EMG1: variants seen among roughly 807,000 people sequenced by gnomAD.
The protein encoded by EMG1 is ribosomal RNA small subunit methyltransferase NEP1.
In EMG1, 24 loss-of-function variants were observed where a neutral mutation model predicts 26.9. That is an observed-to-expected ratio of 0.89 (90% CI 0.65 to 1.26). The LOEUF (loss-of-function observed/expected upper bound fraction) is 1.26, where lower values mean the gene tolerates loss of function less well. Ranked by LOEUF, EMG1 falls within the 50% of genes most tolerant of loss-of-function variation. The pLI is 0.00. For missense variants in EMG1, 299 were observed against 307.6 expected, an observed-to-expected ratio of 0.97 and a Z score of 0.21; for synonymous variants, 140 against 112.6, an observed-to-expected ratio of 1.24 and a Z score of -1.54.
In EMG1 at chr12:6,976,382, A is replaced by G. The variant is rs1946400799; in HGVS notation, c.*573A>G. The stretch of plus-strand genomic sequence containing the variant: ...GATGGGGAGAGATAAGGCAATGTGC[A>G]TGGGGGAATCAGAGGGGAGATGTGA... On this transcript the variant is annotated 3_prime_UTR_variant, in exon 6 of 6. Coordinates refer to ENST00000599672, the MANE Select transcript of EMG1 (RefSeq NM_006331.8). 1 of 153,830 alleles carries G rather than the reference A, an allele frequency of 6.5e-6. No individual in the cohort carries two copies. Among genetic ancestry groups the G allele is most frequent in the African/African-American group, 2.4e-5 (1 of 41,464 alleles). 9.5% of individuals were successfully genotyped at this position (153,830 alleles called of 1,614,324 possible). A position where few individuals can be genotyped will look rare whatever the true frequency, so the allele number is the denominator to read the frequency against.
Position 6,979,002 on chromosome 12 carries a change from A to G in EMG1, c.*3193A>G, listed in dbSNP as rs1946440075. 1 of 329,220 alleles carries G rather than the reference A, an allele frequency of 3.0e-6. No homozygotes were observed. The highest frequency in any genetic ancestry group is 5.6e-6 in the Non-Finnish European group (1 of 179,584). 20.4% of individuals were successfully genotyped at this position (329,220 alleles called of 1,614,324 possible). A position where few individuals can be genotyped will look rare whatever the true frequency, so the allele number is the denominator to read the frequency against. ...GAATGTTAAGTACAGAGGGGCCCAT[A>G]TTGGATTTTAATTTAAGGAGAGAAA... On this transcript the variant is annotated 3_prime_UTR_variant, in exon 6 of 6. Transcript: ENST00000599672.
exon 8 of EMG1, chr12:6,988,208 G>A (rs1167997383): frequency 1.2e-5 from 2 of 167,810 alleles, no homozygotes; most frequent in African/African-American, 4.7e-5. Context: ...TTCCAAACAG[G>A]TGAGGTATTG....
At position 6,979,724 on chromosome 12, in the gene EMG1, C is replaced by T; in HGVS notation, c.*3915C>T. ...AGAAGCTCTGCTGCCCAAAGTGTTT[C>T]CTGTTTCAGGGAAAGATTTCTATGG... is the stretch of plus-strand genomic sequence containing the variant. On this transcript the variant is annotated 3_prime_UTR_variant, in exon 6 of 6. Coordinates refer to ENST00000599672, the MANE Select transcript of EMG1 (RefSeq NM_006331.8). The T allele has an allele frequency of 1.6e-6, 1 of 629,390 alleles. No individual in the cohort carries two copies. The highest frequency in any genetic ancestry group is 1.9e-5 in the South Asian group (1 of 52,598). The allele number at this position is 629,390 out of a possible 1,614,324, so 39.0% of individuals were successfully genotyped here.
Position 6,987,874 on chromosome 12 carries a change from T to C in EMG1, c.*211+36T>C. 2.5e-6 allele frequency: 1 copy of C among 400,764 alleles called. No individual in the cohort carries two copies. The highest frequency in any genetic ancestry group is 4.4e-6 in the Non-Finnish European group (1 of 226,228). The allele number at this position is 400,764 out of a possible 1,614,324, so 24.8% of individuals were successfully genotyped here. A position where few individuals can be genotyped will look rare whatever the true frequency, so the allele number is the denominator to read the frequency against. ...TTGTCTGCCTGACTCTAACAAGGCC[T>C]ACACTGTCCTGAGTTCTGAGTTCTT... On this transcript the variant is annotated intron_variant and NMD_transcript_variant, in intron 7 of 7. Coordinates refer to the EMG1 transcript ENST00000261406. This position sits in a 1 kb window ranked among gnomAD's most constrained non-coding sequence, Gnocchi z 4.1.
At chr12:6,990,526 A>AAAATAAATAAATAAATAAAT (rs59048377), downstream of EMG1, among the ~76,000 whole-genome samples, 1 of 144,404 alleles carries the variant, frequency 6.9e-6, no homozygotes. Context: ...AAATTAAAAT[A>AAAATAAATAAATAAATAAAT]AAATAAATAA....
At chr12:6,981,031 A>G (rs1984564), downstream of EMG1, 178,841 of 1,603,396 alleles carry the variant, frequency 0.11, 18,849 homozygotes, top group African/African-American at 0.57. Flanking sequence ...TGGTATGTCA[A>G]TCAGCTCTCC....
chr12:6,986,956 AT>A (rs1555154893), intron 6 of EMG1, among the ~76,000 whole-genome samples: 1 of 151,986 alleles, frequency 6.6e-6, no homozygotes, highest in African/African-American at 2.4e-5. Context: ...TCTACTAAAA[AT>A]ACAAAAATTA....
rs781927070 is a variant in EMG1 at position 6,975,942 on chromosome 12, G to C, written c.*133G>C. The C allele has an allele frequency of 5.6e-5, 36 of 643,046 alleles. 1 individual carries two copies. In the South Asian group the frequency reaches 6.3e-4, roughly 11 times the overall value. The allele number at this position is 643,046 out of a possible 1,614,324, so 39.8% of individuals were successfully genotyped here. ...TTGGGGAAGCCAAGGCTGTACATTT[G>C]CTATTTGTTTATCCTATGAATACTG... is the stretch of plus-strand genomic sequence containing the variant. On this transcript the variant is annotated 3_prime_UTR_variant, in exon 6 of 6. Coordinates refer to ENST00000599672, the MANE Select transcript of EMG1 (RefSeq NM_006331.8).
chr12:6,995,877 A>G (rs1555155963), intron 7 of EMG1, among the ~76,000 whole-genome samples: 1 of 152,090 alleles, frequency 6.6e-6, no homozygotes, highest in African/African-American at 2.4e-5. Flanking sequence ...CTATCTCTGG[A>G]TTATTATTAT....
At chr12:6,991,184 A>G (rs1946587458), downstream of EMG1, among the ~76,000 whole-genome samples, 2 of 152,234 alleles carry the variant, frequency 1.3e-5, no homozygotes, top group African/African-American at 2.4e-5. Context: ...TCTGCATTTA[A>G]TCTGTTGTAA....
At chr12:6,981,960 T>G, downstream of EMG1, 4 of 891,960 alleles carry the variant, frequency 4.5e-6, no homozygotes, top group Non-Finnish European at 7.6e-6. Flanking sequence ...CTCCTTGCTC[T>G]GAAATTCAAT....
chr12:6,975,790 A>T lies in EMG1; in HGVS notation c.716A>T (p.Glu239Val). ...GCAAAACTTACCACAGCCTTTGAGG[A>T]AGTATGGGGGGTCATTTGACAGTAG... ...TCAKLTTAFE[E>V]VWGVI The change falls in exon 6 of 6, where the codon GAA becomes GTA. Residue 239 changes from glutamate to valine, a missense_variant. By Grantham distance (121) the Glu-to-Val change is moderately radical (BLOSUM62 -2). Coordinates refer to ENST00000599672, the MANE Select transcript of EMG1 (RefSeq NM_006331.8). The T allele has an allele frequency of 6.2e-7, 1 of 1,609,002 alleles. No individual in the cohort carries two copies.
chr12:6,983,102 T>C, downstream of EMG1: 1 of 509,246 alleles, frequency 2.0e-6, no homozygotes, highest in Non-Finnish European at 3.6e-6. Flanking sequence ...TGTTACTGTA[T>C]TTTTGAATGT....
chr12:6,971,576 G>A lies in EMG1; in HGVS notation c.168+485G>A, dbSNP rs375836367. On this transcript the variant is annotated intron_variant, in intron 1 of 5. Coordinates refer to ENST00000599672, the MANE Select transcript of EMG1 (RefSeq NM_006331.8). ...GAGGCGTGAGCCACTGTGCCCGGCC[G>A]GTAGTACTCATTTTCTTTTGCTCTT... Among the ~76,000 whole-genome samples, 6 of 152,130 alleles carry A rather than the reference G, an allele frequency of 3.9e-5. No homozygotes were observed. The East Asian group carries it at 5.8e-4, about 15-fold the overall frequency.
downstream of EMG1, among the ~76,000 whole-genome samples, chr12:6,991,517 A>G (rs1460512725): frequency 6.6e-6 from 1 of 152,190 alleles, no homozygotes; most frequent in Non-Finnish European, 1.5e-5. Context: ...CTTAAATTTC[A>G]CCATTGATTT....
rs138941613 is a variant in EMG1, at chr12:6,976,159, AAG to A, written c.*355_*356del. On this transcript the variant is annotated 3_prime_UTR_variant, in exon 6 of 6. Coordinates refer to ENST00000599672, the MANE Select transcript of EMG1 (RefSeq NM_006331.8). ...CCCTGATGATGGAGAAGAACTGTGA[AAG>A]AGAGCAGTCAGGAATGCTAGTGGTG... 309 of 206,280 alleles carry A rather than the reference AAG, an allele frequency of 1.5e-3. No individual in the cohort carries two copies. Among genetic ancestry groups the A allele is most frequent in the Middle Eastern group, 5.8e-3 (3 of 514 alleles). 12.8% of individuals were successfully genotyped at this position (206,280 alleles called of 1,614,324 possible).
rs782393457 is a variant in EMG1, at chr12:6,977,269, A to G, written c.*1460A>G. The G allele has an allele frequency of 8.7e-6, 14 of 1,611,478 alleles. No homozygotes were observed. Among genetic ancestry groups the G allele is most frequent in the Admixed American group, 6.7e-5 (4 of 59,998 alleles). On this transcript the variant is annotated 3_prime_UTR_variant, in exon 6 of 6. Transcript: ENST00000599672. The surrounding 1 kb of genome is among the most constrained non-coding windows in gnomAD (Gnocchi z 4.5). ...AATAGATGGATTTATACACCTGTGGAGAGAGAGGCCACTAAGGTAGACAGG... is the reference window on the plus strand; with the variant it reads ...AATAGATGGATTTATACACCTGTGGGGAGAGAGGCCACTAAGGTAGACAGG...
At chr12:6,984,950 T>G (rs1946506683) in intron 6 of EMG1, among the ~76,000 whole-genome samples, 1 of 152,218 alleles carries the variant, frequency 6.6e-6, no homozygotes, top group Non-Finnish European at 1.5e-5. Flanking sequence ...TACAGTTTAC[T>G]GTGAGTTTGC....
Position 6,971,088 on chromosome 12 carries a change from C to A in EMG1, c.165C>A (p.Val55=). The A allele has an allele frequency of 6.2e-7, 1 of 1,609,518 alleles. No homozygotes were observed. Among genetic ancestry groups the A allele is most frequent in the South Asian group, 1.1e-5 (1 of 90,156 alleles). Residue 55 remains valine (V), a synonymous_variant, in exon 1 of 6, where the codon GTC becomes GTA. Transcript: ENST00000599672. ...TGGAAGGGGCCAGTCTGGAGACAGTCAAGGTAGTTTGGGACAGGAAGTGGA... is the reference window on the plus strand; with the variant it reads ...TGGAAGGGGCCAGTCTGGAGACAGTAAAGGTAGTTTGGGACAGGAAGTGGA... ...VVLEGASLET[V]KVGKTYELLN... is the part of the protein sequence containing the mutation.
Sources: allele counts gnomAD v4.1 joint callset (sites outside exome capture counted in the v4.1 genomes callset), GRCh38; gene constraint gnomAD v4.1.1; non-coding constraint Gnocchi (gnomAD v3.1); transcripts MANE v1.5; gene names NCBI Gene and HGNC (gene_info 2026-07-23, HGNC 2026-07-21).